EPS8L2: variants seen among roughly 807,000 people sequenced by gnomAD.
EPS8L2 encodes the protein epidermal growth factor receptor kinase substrate 8-like protein 2.
A neutral mutation model predicts 99.4 loss-of-function variants in EPS8L2; 81 were observed. That is an observed-to-expected ratio of 0.82 (90% CI 0.68 to 0.98). The LOEUF (loss-of-function observed/expected upper bound fraction) is 0.98, where lower values mean the gene tolerates loss of function less well. Ranked by LOEUF, EPS8L2 falls within the 50% of genes least tolerant of loss-of-function variation. The probability of loss-of-function intolerance (pLI) is 0.00; values close to 1 mark genes in which losing one functional copy is unlikely to be tolerated. For missense variants in EPS8L2, 1,155 were observed against 968.8 expected (o/e 1.19, Z -2.55); for synonymous variants, 509 against 407.3 (o/e 1.25, Z -3.01).
At chr11:715,526 C>T (rs1380594956) in intron 4 of EPS8L2, among the ~76,000 whole-genome samples, 1 of 151,874 alleles carries the variant, frequency 6.6e-6, no homozygotes, top group African/African-American at 2.4e-5. Flanking sequence ...TTGTGTCTGT[C>T]AGTAGTCTGT....
intron 1 of EPS8L2, among the ~76,000 whole-genome samples, chr11:707,985 T>C (rs529671304): frequency 6.6e-6 from 1 of 152,208 alleles, no homozygotes; most frequent in South Asian, 2.1e-4. Context: ...GAAGTGGCCA[T>C]ACCCCCTGGT....
chr11:721,181 C>A lies in EPS8L2; in HGVS notation c.675C>A (p.Gly225=). ...GDSPEAKNRV[G]PQVPLSEPGF... ...CCCCGGAGGCCAAGAATCGCGTGGG[C>A]CCGCAGGTGCCACTCAGCGAGCCAG... The change falls in exon 8 of 21, where the codon GGC becomes GGA. Residue 225 remains glycine (G), a synonymous_variant. Coordinates refer to ENST00000318562, the MANE Select transcript of EPS8L2 (RefSeq NM_022772.4). The A allele has an allele frequency of 6.5e-7, 1 of 1,533,672 alleles. No individual in the cohort carries two copies. Among genetic ancestry groups the A allele is most frequent in the Non-Finnish European group, 8.8e-7 (1 of 1,142,516 alleles).
At chr11:722,314 C>T in intron 12 of EPS8L2, 87 bp from the exon 13 acceptor site, 5 of 1,564,064 alleles carry the variant, frequency 3.2e-6, no homozygotes, top group Non-Finnish European at 2.6e-6. Flanking sequence ...TCCAAAGTCC[C>T]TTCCCGAGGG....
At chr11:725,153 C>T (rs1486908028) in intron 16 of EPS8L2, among the ~76,000 whole-genome samples, 1 of 152,232 alleles carries the variant, frequency 6.6e-6, no homozygotes, top group Non-Finnish European at 1.5e-5. Flanking sequence ...GCACTGGCCG[C>T]ATCTGCCAGC....
intron 12 of EPS8L2, 53 bp from the exon 13 acceptor site, chr11:722,348 G>T: frequency 6.3e-7 from 1 of 1,594,804 alleles, no homozygotes; most frequent in Non-Finnish European, 8.6e-7. Flanking sequence ...CTACGGGGGT[G>T]CTGGGCCAGG....
rs917931473 is a variant in EPS8L2, at chr11:724,638, T to C, written c.1455-86T>C. On this transcript the variant is annotated intron_variant, in intron 15 of 20. Transcript: ENST00000318562. The surrounding 1 kb of genome is among the most constrained non-coding windows in gnomAD (Gnocchi z 5.5). ...GAAAAGAGGCAGCCAGTCGTGCACC[T>C]GGGAAGCTGCTGCCCCCCAGCCACT... 1.7e-5 allele frequency: 15 copies of C among 904,650 alleles called. No individual in the cohort carries two copies. Among genetic ancestry groups the C allele is most frequent in the Admixed American group, 3.6e-5 (2 of 55,654 alleles). The allele number at this position is 904,650 out of a possible 1,614,324, so 56.0% of individuals were successfully genotyped here.
chr11:722,195 A>G, intron 12 of EPS8L2, 30 bp downstream of exon 12: 1 of 1,606,660 alleles, frequency 6.2e-7, no homozygotes, highest in South Asian at 1.1e-5. Context: ...AGGGGCGCGC[A>G]GGGTGGGGGC....
At chr11:714,391 G>A (rs886319559) in intron 4 of EPS8L2, among the ~76,000 whole-genome samples, 11 of 151,208 alleles carry the variant, frequency 7.3e-5, no homozygotes, top group Admixed American at 2.6e-4. Flanking sequence ...CACCATGCCC[G>A]GCTCATTTTT....
Position 720,716 on chromosome 11 carries a change from T to A in EPS8L2, c.447T>A (p.Asp149Glu). 6.3e-7 allele frequency: 1 copy of A among 1,588,978 alleles called. No homozygotes were observed. Among genetic ancestry groups the A allele is most frequent in the Non-Finnish European group, 8.6e-7 (1 of 1,168,958 alleles). The change falls in exon 6 of 21, where the codon GAT becomes GAA. Residue 149 changes from aspartate (D) to glutamate (E), a missense_variant. Physicochemically the swap from Asp to Glu is conservative, Grantham distance 45 (BLOSUM62 2). Transcript: ENST00000318562. The part of the protein sequence containing the change: ...VCQDSEQSKP[D>E]VHFFHCDEVE... ...AGGACTCGGAGCAGAGCAAGCCGGA[T>A]GTCCACTTCTTCCACTGCGATGAGG...
chr11:721,999 C>T lies in EPS8L2; in HGVS notation c.984+8C>T. 1.9e-6 allele frequency: 3 copies of T among 1,606,032 alleles called. No individual in the cohort carries two copies. The highest frequency in any genetic ancestry group is 1.3e-5 in the African/African-American group (1 of 74,832). ...CTGGCGATTAACTTGCTGGTGGGTC[C>T]GGTGGCCCCAGCCCTGCCCCACTGT... is the stretch of plus-strand genomic sequence containing the variant. On this transcript the variant is annotated splice_region_variant and intron_variant, in intron 11 of 20. Transcript: ENST00000318562.
rs560690045 is a variant in EPS8L2 at position 710,229 on chromosome 11, G to A, written c.101-193G>A. ...CTCCGAGCTGCGTCCTTCTCCAAGGGGGCTTCCCTGGAGGGAGGGAGGGGG... is the reference window on the plus strand; with the variant it reads ...CTCCGAGCTGCGTCCTTCTCCAAGGAGGCTTCCCTGGAGGGAGGGAGGGGG... On this transcript the variant is annotated intron_variant, in intron 3 of 20. Transcript: ENST00000318562. 2.4e-5 allele frequency: 14 copies of A among 591,704 alleles called. No homozygotes were observed. In the Admixed American group the frequency reaches 2.5e-4, roughly 11 times the overall value. 36.7% of individuals were successfully genotyped at this position (591,704 alleles called of 1,614,324 possible). A position where few individuals can be genotyped will look rare whatever the true frequency, so the allele number is the denominator to read the frequency against.
In EPS8L2 at chr11:724,498, G is replaced by A. The variant is rs1054624931; in HGVS notation, c.1455-226G>A. The A allele has an allele frequency of 2.1e-5, 12 of 566,086 alleles. No homozygotes were observed. The highest frequency in any genetic ancestry group is 1.0e-4 in the South Asian group (5 of 50,174). The allele number at this position is 566,086 out of a possible 1,614,324, so 35.1% of individuals were successfully genotyped here. On this transcript the variant is annotated intron_variant, in intron 15 of 20. Transcript: ENST00000318562. The surrounding 1 kb of genome is among the most constrained non-coding windows in gnomAD (Gnocchi z 5.5). ...GCTGTACCACAGGCCCCTGCGCCAC[G>A]CCCACCTCCTGCCTGCCCCGCCTCC...
intron 3 of EPS8L2, chr11:710,085 T>A (rs2133499113): frequency 2.7e-6 from 1 of 374,024 alleles, no homozygotes; most frequent in Non-Finnish European, 5.0e-6. Flanking sequence ...AGCTGGCAGC[T>A]CTCAGAGTGG....
intron 7 of EPS8L2, 63 bp downstream of exon 7, chr11:720,972 GGAGGA>G: frequency 2.4e-6 from 3 of 1,253,766 alleles, no homozygotes; most frequent in Non-Finnish European, 2.2e-6. Flanking sequence ...GCAGGGGAGG[GGAGGA>G]GCCGGCAGGG....
rs568821204 is a variant in EPS8L2 at position 709,449 on chromosome 11, C to T, written c.42C>T (p.Thr14=). 4 of 1,598,794 alleles carry T rather than the reference C, an allele frequency of 2.5e-6. No individual in the cohort carries two copies. In the East Asian group the frequency reaches 9.1e-5, roughly 36 times the overall value. The part of the protein sequence containing the change: ...SGAVSCCPGA[T]NGSLGRSDGV... ...CCGTGAGCTGCTGCCCGGGTGCCAC[C>T]AAGTGAGCCCTCCCACCCATCCCGA... The change falls in exon 2 of 21, where the codon ACC becomes ACT. Residue 14 remains threonine, a splice_region_variant and synonymous_variant. Coordinates refer to ENST00000318562, the MANE Select transcript of EPS8L2 (RefSeq NM_022772.4).
rs1023574847 is a variant in EPS8L2, at chr11:721,320, G to A, written c.736G>A (p.Ala246Thr). 1.9e-6 allele frequency: 3 copies of A among 1,539,832 alleles called. No homozygotes were observed. The African/African-American group carries it at 4.1e-5, about 21-fold the overall frequency. Reference sequence around the variant, plus strand: ...TCGGGAGTCGCAGGAGGAGCCGCGGGCCGTGCTGGCTCAGAAGATAGAGAA... The same window carrying A: ...TCGGGAGTCGCAGGAGGAGCCGCGGACCGTGCTGGCTCAGAAGATAGAGAA... ...RRRESQEEPR[A>T]VLAQKIEKET... The change falls in exon 9 of 21, where the codon GCC becomes ACC. Residue 246 changes from alanine (A) to threonine (T), a missense_variant. By Grantham distance (58) the Ala-to-Thr change is moderately conservative. Coordinates refer to ENST00000318562, the MANE Select transcript of EPS8L2 (RefSeq NM_022772.4).
At position 726,821 on chromosome 11, in the gene EPS8L2, G is replaced by C. The variant is rs995608566; in HGVS notation, c.2067+70G>C. The C allele has an allele frequency of 2.3e-5, 37 of 1,583,632 alleles. No individual in the cohort carries two copies. In the African/African-American group the frequency reaches 4.0e-4, roughly 17 times the overall value. Reference sequence around the variant, plus strand: ...GCCCTCCTCTCCCCCGCCCGTTCCTGGGGTCGCAGAGCAAGGGGGAGGCCG... The same window carrying C: ...GCCCTCCTCTCCCCCGCCCGTTCCTCGGGTCGCAGAGCAAGGGGGAGGCCG... On this transcript the variant is annotated intron_variant, in intron 20 of 20. Transcript: ENST00000318562.
In EPS8L2 at chr11:722,259, G is replaced by T. The variant is rs1862201155; in HGVS notation, c.1059+94G>T. The T allele has an allele frequency of 2.0e-6, 3 of 1,530,666 alleles. No individual in the cohort carries two copies. The Admixed American group carries it at 5.3e-5, about 27-fold the overall frequency. The allele number at this position is 1,530,666 out of a possible 1,614,324, so 94.8% of individuals were successfully genotyped here. On this transcript the variant is annotated intron_variant, in intron 12 of 20. Transcript: ENST00000318562. ...GTCGGGGTTGGGGCAGCAGGTGCCCGCCTTGGGCAGCCCGGTTCACGCTGT... is the reference window on the plus strand; with the variant it reads ...GTCGGGGTTGGGGCAGCAGGTGCCCTCCTTGGGCAGCCCGGTTCACGCTGT...
intron 4 of EPS8L2, among the ~76,000 whole-genome samples, chr11:714,952 G>C (rs913130006): frequency 6.6e-6 from 1 of 152,132 alleles, no homozygotes; most frequent in African/African-American, 2.4e-5. Flanking sequence ...TTTTCAGAAA[G>C]AGTTTGTGGG....
Sources: allele counts gnomAD v4.1 joint callset (sites outside exome capture counted in the v4.1 genomes callset), GRCh38; gene constraint gnomAD v4.1.1; non-coding constraint Gnocchi (gnomAD v3.1); transcripts MANE v1.5; gene names NCBI Gene and HGNC (gene_info 2026-07-23, HGNC 2026-07-21).